Variants in RAD51B observed in about 807,000 individuals in gnomAD.
RAD51B encodes DNA repair protein RAD51 homolog 2.
In RAD51B, 38 loss-of-function variants were observed where a neutral mutation model predicts 42.2. The observed-to-expected ratio is 0.90, with a 90% CI of 0.70 to 1.18. RAD51B has a LOEUF of 1.18. Ranked by LOEUF, RAD51B falls within the 50% of genes most tolerant of loss-of-function variation. The pLI, the probability that RAD51B is intolerant of heterozygous loss-of-function variation, is 0.00. For synonymous variants in RAD51B, 154 were observed against 145.2 expected, an observed-to-expected ratio of 1.06 and a Z score of -0.43; for missense variants, 373 against 400.7, an observed-to-expected ratio of 0.93 and a Z score of 0.59.
chr14:68,532,736 A>C (rs1868377507), intron 10 of RAD51B, among the ~76,000 whole-genome samples: 1 of 152,216 alleles, frequency 6.6e-6, no homozygotes, highest in Admixed American at 6.5e-5. Flanking sequence ...CTTATTAGGC[A>C]CTTGATACCA....
chr14:68,414,187 C>A (rs1292132857), intron 9 of RAD51B, among the ~76,000 whole-genome samples: 1 of 152,134 alleles, frequency 6.6e-6, no homozygotes, highest in East Asian at 1.9e-4. Flanking sequence ...TTTCTTTACA[C>A]CCTGGAAACT....
chr14:68,051,580 A>G (rs2076394498), intron 7 of RAD51B, among the ~76,000 whole-genome samples: 1 of 152,014 alleles, frequency 6.6e-6, no homozygotes, highest in Admixed American at 6.6e-5. Context: ...TTTGCTAATA[A>G]TAGAGTTTGT....
intron 7 of RAD51B, among the ~76,000 whole-genome samples, chr14:67,992,262 G>A (rs1294032956): frequency 6.6e-6 from 1 of 152,166 alleles, no homozygotes. Flanking sequence ...TATTTGATGG[G>A]CAACCCTTTG....
intron 7 of RAD51B, among the ~76,000 whole-genome samples, chr14:68,102,656 T>G (rs1405210308): frequency 6.6e-6 from 1 of 152,138 alleles, no homozygotes; most frequent in Non-Finnish European, 1.5e-5. Flanking sequence ...GCCCTCTAAG[T>G]CTCTAGGAAG....
At chr14:68,513,357 T>C (rs956863790) in intron 10 of RAD51B, among the ~76,000 whole-genome samples, 3 of 152,184 alleles carry the variant, frequency 2.0e-5, no homozygotes, top group African/African-American at 7.2e-5. Flanking sequence ...CCTCTACCAA[T>C]TAGTGTTAAG....
At chr14:67,894,812 C>G (rs1185079668) in intron 7 of RAD51B, among the ~76,000 whole-genome samples, 2 of 152,154 alleles carry the variant, frequency 1.3e-5, no homozygotes, top group Non-Finnish European at 2.9e-5. Flanking sequence ...GACAAGGTCT[C>G]TCTCTTTCCC....
chr14:68,020,764 T>G (rs1268773634), intron 7 of RAD51B, among the ~76,000 whole-genome samples: 2 of 152,196 alleles, frequency 1.3e-5, no homozygotes, highest in African/African-American at 4.8e-5. Flanking sequence ...TTATGTATAC[T>G]TTACTGCAAT....
intron 9 of RAD51B, among the ~76,000 whole-genome samples, chr14:68,416,435 G>A (rs1173307144): frequency 6.6e-6 from 1 of 152,134 alleles, no homozygotes; most frequent in Non-Finnish European, 1.5e-5. Flanking sequence ...ACCCTCAAAT[G>A]TAAGGGCAGT....
intron 7 of RAD51B, among the ~76,000 whole-genome samples, chr14:67,896,080 C>A (rs926889705): frequency 6.6e-6 from 1 of 152,034 alleles, no homozygotes; most frequent in African/African-American, 2.4e-5. Context: ...TATAAAGCCC[C>A]CTGAAAACAG....
intron 7 of RAD51B, among the ~76,000 whole-genome samples, chr14:68,196,663 T>C (rs1415645914): frequency 6.6e-6 from 1 of 152,168 alleles, no homozygotes; most frequent in Non-Finnish European, 1.5e-5. Flanking sequence ...ATTATATATT[T>C]ATTTGTATGA....
intron 7 of RAD51B, among the ~76,000 whole-genome samples, chr14:67,958,763 C>T (rs78833018): frequency 0.024 from 3,583 of 152,230 alleles, 81 homozygotes; most frequent in African/African-American, 0.055. Flanking sequence ...TGTATCCTAC[C>T]TGTAAAATAT....
chr14:67,911,942 T>C (rs1236261902), intron 7 of RAD51B, among the ~76,000 whole-genome samples: 1 of 152,228 alleles, frequency 6.6e-6, no homozygotes, highest in African/African-American at 2.4e-5. Context: ...TTCAGTTACA[T>C]GAATAGAGAA....
chr14:68,391,826 T>C (rs1566852663), intron 8 of RAD51B, among the ~76,000 whole-genome samples: 1 of 152,206 alleles, frequency 6.6e-6, no homozygotes, highest in South Asian at 2.1e-4. Flanking sequence ...AAAATGTGTT[T>C]CTTTCTGGCA....
chr14:68,123,680 C>T (rs2077698493), intron 7 of RAD51B, among the ~76,000 whole-genome samples: 1 of 152,038 alleles, frequency 6.6e-6, no homozygotes, highest in Non-Finnish European at 1.5e-5. Flanking sequence ...TGGTGGCGCA[C>T]ACCTGTAGTC....
At chr14:67,850,642 T>A (rs148314017) in intron 4 of RAD51B, among the ~76,000 whole-genome samples, 1 of 152,192 alleles carries the variant, frequency 6.6e-6, no homozygotes, top group Non-Finnish European at 1.5e-5. Context: ...ACCATGTACT[T>A]CCTATTTTAC....
intron 7 of RAD51B, among the ~76,000 whole-genome samples, chr14:67,973,629 C>T (rs1281295313): frequency 1.3e-5 from 2 of 152,134 alleles, no homozygotes; most frequent in Non-Finnish European, 1.5e-5. Context: ...AACTCAATTA[C>T]ATCTAATTTG....
At chr14:68,206,982 G>A (rs921823173) in intron 7 of RAD51B, among the ~76,000 whole-genome samples, 5 of 151,950 alleles carry the variant, frequency 3.3e-5, no homozygotes, top group Non-Finnish European at 7.4e-5. Flanking sequence ...AGTAGAGACA[G>A]GGTTTCACCC....
At chr14:68,663,063 A>G (rs2145151) in intron 11 of RAD51B, among the ~76,000 whole-genome samples, 31,530 of 152,202 alleles carry the variant, frequency 0.21, 3,495 homozygotes, top group African/African-American at 0.24. Flanking sequence ...CACTGTGGGA[A>G]GCCAAGGTGG....
At chr14:68,064,685 T>C (rs995839079) in intron 7 of RAD51B, among the ~76,000 whole-genome samples, 2 of 152,086 alleles carry the variant, frequency 1.3e-5, no homozygotes, top group African/African-American at 4.8e-5. Flanking sequence ...TTTATTCTTT[T>C]GTCTGAGTTA....
Sources: gnomAD v4.1 joint callset for allele counts (sites outside exome capture counted in the v4.1 genomes callset) on GRCh38, gnomAD v4.1.1 for gene constraint, MANE v1.5 for transcripts, NCBI Gene and HGNC (gene_info 2026-07-23, HGNC 2026-07-21) for gene names.